The following ZNF423 variants were observed in gnomAD, a reference collection of about 807,000 sequenced individuals.
ZNF423 encodes zinc finger protein 423.
ZNF423 carries 12 observed loss-of-function variants against 95.8 expected under a neutral mutation model. That is an observed-to-expected ratio of 0.13 (90% CI 0.08 to 0.20). ZNF423 has a LOEUF of 0.20. Ranked by LOEUF, ZNF423 falls within the 10% of genes least tolerant of loss-of-function variation. The pLI, the probability that ZNF423 is intolerant of heterozygous loss-of-function variation, is 1.00. For synonymous variants in ZNF423, 749 were observed against 711.9 expected, an observed-to-expected ratio of 1.05 and a Z score of -0.83; for missense variants, 1,316 against 1,737.1, an observed-to-expected ratio of 0.76 and a Z score of 4.31.
intron 3 of ZNF423, among the ~76,000 whole-genome samples, chr16:49,699,989 C>T (rs1253445636): frequency 2.0e-5 from 3 of 152,052 alleles, no homozygotes; most frequent in South Asian, 4.1e-4. Flanking sequence ...GTCTGCAGCC[C>T]TCAGAAGACA....
At chr16:49,774,524 T>G (rs1292401998) in intron 2 of ZNF423, among the ~76,000 whole-genome samples, 1 of 152,132 alleles carries the variant, frequency 6.6e-6, no homozygotes, top group Non-Finnish European at 1.5e-5. Context: ...TGCATGCAGG[T>G]GTATGCATGT....
chr16:49,537,551 G>A (rs1175963748), intron 5 of ZNF423, among the ~76,000 whole-genome samples: 4 of 152,174 alleles, frequency 2.6e-5, no homozygotes, highest in Admixed American at 6.5e-5. Flanking sequence ...ACATGATTGC[G>A]ACGCTAATAC....
chr16:49,821,116 T>C (rs1393932354), intron 1 of ZNF423, among the ~76,000 whole-genome samples: 2 of 152,136 alleles, frequency 1.3e-5, no homozygotes, highest in African/African-American at 4.8e-5. Flanking sequence ...TTTTGGAGAT[T>C]TTATAGCCTG....
intron 2 of ZNF423, among the ~76,000 whole-genome samples, chr16:49,767,088 C>T (rs182934252): frequency 6.6e-6 from 1 of 152,162 alleles, no homozygotes; most frequent in East Asian, 1.9e-4. Flanking sequence ...AGTCCTCCTA[C>T]ACCACAGGTG....
intron 3 of ZNF423, among the ~76,000 whole-genome samples, chr16:49,677,143 G>C (rs1490466814): frequency 6.7e-6 from 1 of 149,704 alleles, no homozygotes; most frequent in Non-Finnish European, 1.5e-5. Context: ...GCTGGAACCC[G>C]GGAGGCGAAG....
At chr16:49,714,208 T>C (rs1473465534) in intron 3 of ZNF423, among the ~76,000 whole-genome samples, 1 of 152,234 alleles carries the variant, frequency 6.6e-6, no homozygotes, top group Admixed American at 6.5e-5. Context: ...TATTTATTCA[T>C]CACCTCACAC....
At chr16:49,605,977 A>G (rs755657005) in intron 5 of ZNF423, among the ~76,000 whole-genome samples, 3 of 152,230 alleles carry the variant, frequency 2.0e-5, no homozygotes, top group Non-Finnish European at 4.4e-5. Context: ...ACAGAGCTCA[A>G]AGTCATCAAG....
chr16:49,616,661 G>A (rs1040915981), intron 5 of ZNF423, among the ~76,000 whole-genome samples: 2 of 152,070 alleles, frequency 1.3e-5, no homozygotes, highest in Non-Finnish European at 2.9e-5. Flanking sequence ...AATGAATGAA[G>A]GAATAAATGA....
At chr16:49,646,141 A>G (rs1467865228) in intron 3 of ZNF423, among the ~76,000 whole-genome samples, 1 of 152,248 alleles carries the variant, frequency 6.6e-6, no homozygotes, top group Non-Finnish European at 1.5e-5. Context: ...GACACAAAGC[A>G]GCCCGGACAA....
At chr16:49,623,498 C>T (rs749867535) in intron 5 of ZNF423, among the ~76,000 whole-genome samples, 6 of 152,260 alleles carry the variant, frequency 3.9e-5, no homozygotes, top group African/African-American at 7.2e-5. Flanking sequence ...GCCAGGCTTG[C>T]GCCCTTCATG....
intron 3 of ZNF423, among the ~76,000 whole-genome samples, chr16:49,706,033 G>A (rs1008490191): frequency 1.3e-5 from 2 of 152,164 alleles, no homozygotes; most frequent in Non-Finnish European, 2.9e-5. Flanking sequence ...GAGGCACACT[G>A]CGGGGTGGTG....
chr16:49,575,235 C>G (rs1338591899), intron 5 of ZNF423, among the ~76,000 whole-genome samples: 8 of 152,196 alleles, frequency 5.3e-5, no homozygotes, highest in African/African-American at 1.9e-4. Context: ...TTGCTTTCAA[C>G]ACATTTTTTT....
At chr16:49,800,099 C>G (rs1167923012) in intron 1 of ZNF423, among the ~76,000 whole-genome samples, 2 of 152,152 alleles carry the variant, frequency 1.3e-5, no homozygotes, top group Non-Finnish European at 2.9e-5. Flanking sequence ...CAAAAATTAG[C>G]TGGGCATATG....
rs75294107 is a variant in ZNF423, at chr16:49,637,190, G to C, written c.1986C>G (p.His662Gln). ...FESFQTHLKL[H>Q]LELLLRKQAC... is the part of the protein sequence containing the mutation. ...CTTGCTTCCGCAGCAGCAGCTCCAG[G>C]TGCAGCTTCAGGTGGGTCTGGAAGC... The change falls in exon 4 of 8, where the codon CAC becomes CAG. Residue 662 changes from histidine (H) to glutamine (Q), a missense_variant. By Grantham distance (24) the His-to-Gln change is conservative (BLOSUM62 0). Transcript: ENST00000563137. The surrounding 1 kb of genome is among the most constrained non-coding windows in gnomAD (Gnocchi z 5.6). The C allele has an allele frequency of 1.2e-6, 2 of 1,613,938 alleles. No individual in the cohort carries two copies. The highest frequency in any genetic ancestry group is 4.5e-5 in the East Asian group (2 of 44,882).
In ZNF423 at chr16:49,646,574, C is replaced by CTTTTTTTTTTTTTTTT. The variant is rs71380366; in HGVS notation, c.302-7701_302-7700insAAAAAAAAAAAAAAAA. On this transcript the variant is annotated intron_variant, in intron 3 of 7. Transcript: ENST00000563137. ...TTATGGCACATTTTCTTTTCTTTTT[C>CTTTTTTTTTTTTTTTT]TTTTTTTTTTTTTTGAGAAGGAGTC... 4.7e-4 allele frequency among the ~76,000 whole-genome samples: 55 copies of CTTTTTTTTTTTTTTTT among 117,978 alleles called. 2 individuals are homozygous for CTTTTTTTTTTTTTTTT. Among genetic ancestry groups the CTTTTTTTTTTTTTTTT allele is most frequent in the African/African-American group, 3.0e-4 (10 of 33,620 alleles). The allele number at this position is 117,978 out of a possible 152,430, so 77.4% of individuals were successfully genotyped here.
At chr16:49,496,988 G>A (rs1036796445) in intron 7 of ZNF423, among the ~76,000 whole-genome samples, 3 of 152,106 alleles carry the variant, frequency 2.0e-5, no homozygotes, top group Admixed American at 6.5e-5. Flanking sequence ...GAACAATCCC[G>A]AGATGGCTGA....
chr16:49,623,075 G>A (rs563373288), intron 5 of ZNF423, among the ~76,000 whole-genome samples: 5 of 152,090 alleles, frequency 3.3e-5, no homozygotes, highest in Non-Finnish European at 5.9e-5. Flanking sequence ...AGGTTAGAGC[G>A]AGAGGGACTG....
At chr16:49,697,934 C>T (rs998074650) in intron 3 of ZNF423, among the ~76,000 whole-genome samples, 4 of 152,190 alleles carry the variant, frequency 2.6e-5, no homozygotes, top group African/African-American at 4.8e-5. Flanking sequence ...CGGGGAGAGG[C>T]GGGCACATCT....
In ZNF423 at chr16:49,733,847, T is replaced by C. The variant is rs2033224782; in HGVS notation, c.101-2876A>G. Among the ~76,000 whole-genome samples the C allele has an allele frequency of 1.3e-5, 2 of 152,172 alleles. 1 individual carries two copies. The highest frequency in any genetic ancestry group is 4.1e-4 in the South Asian group (2 of 4,828). ...TCAGGCGCTGGAGAACAGGAAGGCC[T>C]CCACCCCAGGCAGGGTTTGCCTCTT... On this transcript the variant is annotated intron_variant, in intron 2 of 7. Coordinates refer to ENST00000563137, the MANE Select transcript of ZNF423 (RefSeq NM_001379286.1).
Sources: gnomAD v4.1 joint callset for allele counts (sites outside exome capture counted in the v4.1 genomes callset) on GRCh38, gnomAD v4.1.1 for gene constraint, Gnocchi (gnomAD v3.1) non-coding constraint, MANE v1.5 for transcripts, NCBI Gene and HGNC (gene_info 2026-07-23, HGNC 2026-07-21) for gene names.